SHOC1: variants seen among roughly 807,000 people sequenced by gnomAD.
The protein encoded by SHOC1 is shortage in chiasmata 1.
A neutral mutation model predicts 179.2 loss-of-function variants in SHOC1; 136 were observed. That is an observed-to-expected ratio of 0.76 (90% CI 0.66 to 0.87). SHOC1 has a LOEUF of 0.87. SHOC1 is among the 40% of genes least tolerant of loss of function. The pLI, the probability that SHOC1 is intolerant of heterozygous loss-of-function variation, is 0.00. For synonymous variants in SHOC1, 489 were observed against 586.6 expected, an observed-to-expected ratio of 0.83 and a Z score of 2.41; for missense variants, 1,538 against 1,700.8, an observed-to-expected ratio of 0.90 and a Z score of 1.68.
chr9:111,692,604 T>C, intron 26 of SHOC1, 93 bp from the exon 27 acceptor site: 1 of 848,316 alleles, frequency 1.2e-6, no homozygotes, highest in Non-Finnish European at 1.8e-6. Context: ...TATAAATAGG[T>C]AGTCTATTCA....
At chr9:111,792,387 G>C (rs1836477715) in intron 1 of SHOC1, among the ~76,000 whole-genome samples, 1 of 152,140 alleles carries the variant, frequency 6.6e-6, no homozygotes, top group East Asian at 1.9e-4. Context: ...TTTGAGACCA[G>C]CTTGGTCAAC....
At chr9:111,728,436 A>G (rs1422156657) in intron 12 of SHOC1, among the ~76,000 whole-genome samples, 3 of 152,244 alleles carry the variant, frequency 2.0e-5, no homozygotes, top group African/African-American at 7.2e-5. Context: ...TATCCAAAAT[A>G]TATAAAGAAC....
chr9:111,766,734 C>T (rs1439355023), intron 5 of SHOC1, among the ~76,000 whole-genome samples: 1 of 152,186 alleles, frequency 6.6e-6, no homozygotes, highest in Non-Finnish European at 1.5e-5. Context: ...GCCTCAGCCT[C>T]CAGAGTAGCT....
At chr9:111,756,297 A>C in intron 8 of SHOC1, 28 bp downstream of exon 8, 1 of 1,540,162 alleles carries the variant, frequency 6.5e-7, no homozygotes, top group Non-Finnish European at 8.7e-7. Context: ...GGTTTTTACA[A>C]GTAATACATT....
chr9:111,714,647 A>T (rs1832708518), intron 16 of SHOC1, 24 bp from the exon 17 acceptor site: 1 of 1,586,258 alleles, frequency 6.3e-7, no homozygotes, highest in Non-Finnish European at 8.6e-7. Context: ...ATTAGAAAAA[A>T]ATTGTCTAAG....
intron 22 of SHOC1, among the ~76,000 whole-genome samples, chr9:111,703,604 T>C (rs534746415): frequency 6.6e-6 from 1 of 152,270 alleles, no homozygotes; most frequent in Admixed American, 6.5e-5. Context: ...TTCAATACTA[T>C]AATTATTCTA....
In SHOC1 at chr9:111,794,306, G is replaced by A. The variant is rs149106205; in HGVS notation, c.-37+594C>T. Among the ~76,000 whole-genome samples, 52 of 151,318 alleles carry A rather than the reference G, an allele frequency of 3.4e-4. No homozygotes were observed. In the East Asian group the frequency reaches 8.4e-3, roughly 25 times the overall value. On this transcript the variant is annotated intron_variant, in intron 1 of 27. Coordinates refer to ENST00000682961, the MANE Select transcript of SHOC1 (RefSeq NM_001378211.1). ...AAAAAAAAAAATAATAAGATCCGCC[G>A]GAAGTGGTGGCTCACACCTGTAATC... is the stretch of plus-strand genomic sequence containing the variant.
At chr9:111,687,822 G>A (rs1402262077) in intron 27 of SHOC1, among the ~76,000 whole-genome samples, 1 of 148,524 alleles carries the variant, frequency 6.7e-6, no homozygotes, top group Non-Finnish European at 1.5e-5. Flanking sequence ...TTTTTCACTT[G>A]GGCTAATTTT....
At chr9:111,746,095 G>A in intron 10 of SHOC1, 139 bp downstream of exon 10, 1 of 459,996 alleles carries the variant, frequency 2.2e-6, no homozygotes, top group Non-Finnish European at 3.9e-6. Context: ...ATTCCTTTTA[G>A]TTACTTATTA....
At chr9:111,717,758 C>G (rs57837448) in intron 16 of SHOC1, among the ~76,000 whole-genome samples, 1,525 of 152,082 alleles carry the variant, frequency 0.01, 18 homozygotes, top group African/African-American at 0.035. Flanking sequence ...AATTCATATA[C>G]TAATATAGAC....
rs777139567 is a variant in SHOC1 at position 111,756,358 on chromosome 9, A to G, written c.829T>C (p.Tyr277His). 6 of 1,605,010 alleles carry G rather than the reference A, an allele frequency of 3.7e-6. No individual in the cohort carries two copies. The highest frequency in any genetic ancestry group is 5.1e-6 in the Non-Finnish European group (6 of 1,177,164). ...AAAAGCTTTTCCTTTTCATCTACATAGTTTATTATTTCTGGCACTGGGTTT... is the reference window on the plus strand; with the variant it reads ...AAAAGCTTTTCCTTTTCATCTACATGGTTTATTATTTCTGGCACTGGGTTT... The part of the protein sequence containing the change: ...LLNPVPEIIN[Y>H]VDEKEKLFER... The change falls in exon 8 of 28, where the codon TAT becomes CAT. Residue 277 changes from tyrosine (Y) to histidine (H), a missense_variant. Physicochemically the swap from Tyr to His is moderately conservative, Grantham distance 83. Transcript: ENST00000682961.
intron 21 of SHOC1, 33 bp from the exon 22 acceptor site, chr9:111,704,025 GA>G (rs772276722): frequency 1.8e-5 from 21 of 1,144,044 alleles, no homozygotes; most frequent in Admixed American, 2.0e-5. Context: ...GTGAAAAAAT[GA>G]AATGCTAATA....
At chr9:111,746,021 T>A (rs1157173723) in intron 10 of SHOC1, among the ~76,000 whole-genome samples, 3 of 152,328 alleles carry the variant, frequency 2.0e-5, no homozygotes, top group East Asian at 3.9e-4. Context: ...TATTACTTGT[T>A]TCTTGGGTGC....
At chr9:111,735,870 A>G (rs1310195188) in intron 12 of SHOC1, among the ~76,000 whole-genome samples, 2 of 152,178 alleles carry the variant, frequency 1.3e-5, no homozygotes, top group African/African-American at 4.8e-5. Context: ...CATTTTAATG[A>G]TCGCCATTCT....
intron 6 of SHOC1, 33 bp from the exon 7 acceptor site, chr9:111,758,228 A>G (rs781774609): frequency 8.3e-7 from 1 of 1,209,568 alleles, no homozygotes; most frequent in South Asian, 1.4e-5. Flanking sequence ...AGTGTTTACT[A>G]AAAGCAAGTT....
At chr9:111,705,421 CT>C in intron 20 of SHOC1, 57 bp from the exon 21 acceptor site, 1 of 707,864 alleles carries the variant, frequency 1.4e-6, no homozygotes, top group Non-Finnish European at 2.1e-6. Context: ...CCAGCTCTTT[CT>C]CTTTTTTTTT....
At chr9:111,721,880 G>A (rs1247702067) in intron 15 of SHOC1, among the ~76,000 whole-genome samples, 1 of 152,172 alleles carries the variant, frequency 6.6e-6, no homozygotes, top group Admixed American at 6.5e-5. Context: ...GTTAGCTAGG[G>A]TAATGGTAGG....
chr9:111,748,850 T>C, intron 8 of SHOC1, among the ~76,000 whole-genome samples: 1 of 138,752 alleles, frequency 7.2e-6, no homozygotes, highest in African/African-American at 2.7e-5. Flanking sequence ...CTCCTTTGTT[T>C]CCAGCTGTCT....
At chr9:111,738,607 T>C in intron 11 of SHOC1, 85 bp from the exon 12 acceptor site, 1 of 1,245,222 alleles carries the variant, frequency 8.0e-7, no homozygotes, top group Non-Finnish European at 1.0e-6. Context: ...CACACTGGAA[T>C]TTCTTTATGA....
Sources: gnomAD v4.1 joint callset for allele counts (sites outside exome capture counted in the v4.1 genomes callset) on GRCh38, gnomAD v4.1.1 for gene constraint, MANE v1.5 for transcripts, NCBI Gene and HGNC (gene_info 2026-07-23, HGNC 2026-07-21) for gene names.